Variants in CIITA observed in about 807,000 individuals in gnomAD.
CIITA encodes the protein class II major histocompatibility complex transactivator.
A neutral mutation model predicts 115.1 loss-of-function variants in CIITA; 72 were observed. The ratio of observed to expected loss-of-function variants is 0.63; its 90% CI spans 0.52 to 0.76. CIITA has a LOEUF of 0.76. CIITA is among the 30% of genes least tolerant of loss of function. The pLI is 0.00. For synonymous variants in CIITA, 763 were observed against 635.6 expected (o/e 1.20, Z -3.02); for missense variants, 1,617 against 1,463.8 (o/e 1.10, Z -1.71).
At chr16:10,904,678 C>A (rs531606765) in intron 9 of CIITA, 66 bp from the exon 10 acceptor site, 1 of 1,573,032 alleles carries the variant, frequency 6.4e-7, no homozygotes, top group East Asian at 2.2e-5. Flanking sequence ...CTAAGTGGCC[C>A]AGAGGGAGGG....
intron 1 of CIITA, among the ~76,000 whole-genome samples, chr16:10,871,985 G>T (rs942347388): frequency 1.3e-5 from 2 of 152,194 alleles, no homozygotes; most frequent in African/African-American, 4.8e-5. Flanking sequence ...ACCTTGAGCA[G>T]TTCACCTGCG....
intron 3 of CIITA, among the ~76,000 whole-genome samples, chr16:10,897,181 C>T (rs1230624495): frequency 6.6e-6 from 1 of 152,166 alleles, no homozygotes; most frequent in Non-Finnish European, 1.5e-5. Context: ...ATATTTCTTA[C>T]AGTTATGGAG....
chr16:10,923,032 G>A lies in CIITA; in HGVS notation c.3318-196G>A. 1.6e-6 allele frequency: 1 copy of A among 610,174 alleles called. No homozygotes were observed. The highest frequency in any genetic ancestry group is 2.9e-6 in the Non-Finnish European group (1 of 340,724). The allele number at this position is 610,174 out of a possible 1,614,324, so 37.8% of individuals were successfully genotyped here. A position where few individuals can be genotyped will look rare whatever the true frequency, so the allele number is the denominator to read the frequency against. ...TCTGGGGTCACACAGCAAGTCAGCTGCAGAACCATAAAGGAATCTCGGGCC... is the reference window on the plus strand; with the variant it reads ...TCTGGGGTCACACAGCAAGTCAGCTACAGAACCATAAAGGAATCTCGGGCC... On this transcript the variant is annotated intron_variant, in intron 18 of 19. Coordinates refer to ENST00000324288, the MANE Select transcript of CIITA (RefSeq NM_000246.4). The surrounding 1 kb of genome is among the most constrained non-coding windows in gnomAD (Gnocchi z 5.2).
intron 2 of CIITA, 112 bp from the exon 3 acceptor site, chr16:10,895,557 A>G: frequency 1.3e-6 from 2 of 1,556,836 alleles, no homozygotes; most frequent in Non-Finnish European, 1.8e-6. Context: ...CGTCTGTGGG[A>G]CGCTCTCTGC....
At chr16:10,869,482 C>A (rs2035323674) in intron 1 of CIITA, among the ~76,000 whole-genome samples, 1 of 151,928 alleles carries the variant, frequency 6.6e-6, no homozygotes, top group Non-Finnish European at 1.5e-5. Flanking sequence ...ACTCCTCCCT[C>A]CACACTCTGA....
intron 1 of CIITA, among the ~76,000 whole-genome samples, chr16:10,868,212 C>T (rs945520867): frequency 9.2e-5 from 14 of 152,144 alleles, no homozygotes; most frequent in Non-Finnish European, 1.0e-4. Context: ...TGACCTTGAG[C>T]CCTTTGATCC....
At chr16:10,869,315 C>G (rs117252271) in intron 1 of CIITA, among the ~76,000 whole-genome samples, 12 of 152,216 alleles carry the variant, frequency 7.9e-5, no homozygotes, top group Non-Finnish European at 1.5e-5. Flanking sequence ...TCCTTAGACA[C>G]GCTCAGCACA....
rs1385454069 is a variant in CIITA at position 10,929,277 on chromosome 16, G to A, written c.*5422G>A. The A allele has an allele frequency of 1.0e-6, 1 of 985,846 alleles. No individual in the cohort carries two copies. 61.1% of individuals were successfully genotyped at this position (985,846 alleles called of 1,614,324 possible). A position where few individuals can be genotyped will look rare whatever the true frequency, so the allele number is the denominator to read the frequency against. On this transcript the variant is annotated 3_prime_UTR_variant, in exon 20 of 20. Coordinates refer to ENST00000324288, the MANE Select transcript of CIITA (RefSeq NM_000246.4). The surrounding 1 kb of genome is among the most constrained non-coding windows in gnomAD (Gnocchi z 4.3). ...CGCAGTTTGAAGTGTCCTCTCCGAAGGTGAAGTGGGGGAAGCAGGTGCGCT... is the reference window on the plus strand; with the variant it reads ...CGCAGTTTGAAGTGTCCTCTCCGAAAGTGAAGTGGGGGAAGCAGGTGCGCT...
intron 1 of CIITA, among the ~76,000 whole-genome samples, chr16:10,870,786 C>T (rs1271196392): frequency 6.6e-6 from 1 of 152,204 alleles, no homozygotes; most frequent in Non-Finnish European, 1.5e-5. Flanking sequence ...TAGGTAGAAA[C>T]CTTCCAAGGC....
At chr16:10,878,483 C>T (rs772895891) in intron 1 of CIITA, among the ~76,000 whole-genome samples, 1 of 152,186 alleles carries the variant, frequency 6.6e-6, no homozygotes, top group East Asian at 1.9e-4. Context: ...CATGGTAACA[C>T]AGGTTTTCCA....
At position 10,923,322 on chromosome 16, in the gene CIITA, CA is replaced by C; in HGVS notation, c.*20del. ...GAGATGATCCCAGCTGTGCTCTGGA[CA>C]GGGTAACCAGGGTGGGCTTGGGAGG... is the stretch of plus-strand genomic sequence containing the variant. On this transcript the variant is annotated splice_region_variant and 3_prime_UTR_variant, in exon 19 of 20. Transcript: ENST00000324288. The surrounding 1 kb of genome is among the most constrained non-coding windows in gnomAD (Gnocchi z 5.2). 1 of 1,577,090 alleles carries C rather than the reference CA, an allele frequency of 6.3e-7. No individual in the cohort carries two copies. The highest frequency in any genetic ancestry group is 8.7e-7 in the Non-Finnish European group (1 of 1,148,710).
intron 10 of CIITA, among the ~76,000 whole-genome samples, chr16:10,905,465 G>C (rs2039074127): frequency 3.3e-5 from 5 of 152,080 alleles, no homozygotes; most frequent in Admixed American, 3.3e-4. Flanking sequence ...GTAAATGAAG[G>C]AATGAGAAAA....
At chr16:10,910,063 A>G (rs939908137) in intron 12 of CIITA, 125 bp from the exon 13 acceptor site, 3 of 759,414 alleles carry the variant, frequency 4.0e-6, no homozygotes, top group Non-Finnish European at 4.6e-6. Context: ...GGGGGACAAC[A>G]GTTGCCCCAA....
At chr16:10,899,757 C>A (rs1296569232) in intron 5 of CIITA, among the ~76,000 whole-genome samples, 2 of 152,144 alleles carry the variant, frequency 1.3e-5, no homozygotes, top group African/African-American at 4.8e-5. Flanking sequence ...GAATCGCACA[C>A]AGGGTATGAG....
intron 15 of CIITA, among the ~76,000 whole-genome samples, chr16:10,917,522 C>T (rs8051366): frequency 0.26 from 38,399 of 147,368 alleles, 5,266 homozygotes; most frequent in Non-Finnish European, 0.3. Context: ...CGCTCTGTAG[C>T]CCAGGCTGGA....
rs1283490141 is a variant in CIITA, at chr16:10,879,706, T to C, written c.52+2324T>C. ...ACTTCTCTACCTCGCTTTGGGGCCC[T>C]GAGTCACACCCTCTAAGGAGAGAGG... On this transcript the variant is annotated intron_variant, in intron 1 of 19. Coordinates refer to ENST00000324288, the MANE Select transcript of CIITA (RefSeq NM_000246.4). This position sits in a 1 kb window ranked among gnomAD's most constrained non-coding sequence, Gnocchi z 4.3. Among the ~76,000 whole-genome samples, 2 of 152,126 alleles carry C rather than the reference T, an allele frequency of 1.3e-5. No homozygotes were observed. The highest frequency in any genetic ancestry group is 4.8e-5 in the African/African-American group (2 of 41,426).
At chr16:10,878,254 T>G (rs1398690634) in intron 1 of CIITA, among the ~76,000 whole-genome samples, 1 of 152,178 alleles carries the variant, frequency 6.6e-6, no homozygotes, top group Non-Finnish European at 1.5e-5. Context: ...ATGACAGGTC[T>G]GCCGGTGTGG....
intron 1 of CIITA, among the ~76,000 whole-genome samples, chr16:10,877,877 T>G (rs968180045): frequency 6.6e-6 from 1 of 152,010 alleles, no homozygotes; most frequent in Admixed American, 6.6e-5. Flanking sequence ...AGTTTCCTAA[T>G]GGTGTTGTTT....
At chr16:10,876,538 C>A (rs1467846470), upstream of CIITA, among the ~76,000 whole-genome samples, 1 of 152,202 alleles carries the variant, frequency 6.6e-6, no homozygotes, top group East Asian at 1.9e-4. Flanking sequence ...GAGACTTCCT[C>A]CTTGATACCA....
Sources: allele counts gnomAD v4.1 joint callset (sites outside exome capture counted in the v4.1 genomes callset), GRCh38; gene constraint gnomAD v4.1.1; non-coding constraint Gnocchi (gnomAD v3.1); transcripts MANE v1.5; gene names NCBI Gene and HGNC (gene_info 2026-07-23, HGNC 2026-07-21).